NEDD4: variants seen among roughly 807,000 people sequenced by gnomAD.
NEDD4 encodes the protein E3 ubiquitin-protein ligase NEDD4.
In NEDD4, 99 loss-of-function variants were observed where a neutral mutation model predicts 144.9. The observed-to-expected ratio is 0.68, with a 90% CI of 0.58 to 0.81. NEDD4 has a LOEUF of 0.81. NEDD4 is among the 30% of genes least tolerant of loss of function. The probability of loss-of-function intolerance (pLI) is 0.00; values close to 1 mark genes in which losing one functional copy is unlikely to be tolerated. For synonymous variants in NEDD4, 318 were observed against 350.6 expected, an observed-to-expected ratio of 0.91 and a Z score of 1.04; for missense variants, 985 against 1,065.9, an observed-to-expected ratio of 0.92 and a Z score of 1.06.
At chr15:55,896,608 C>T (rs142286786) in intron 5 of NEDD4, among the ~76,000 whole-genome samples, 6 of 152,256 alleles carry the variant, frequency 3.9e-5, no homozygotes, top group East Asian at 1.9e-4. Flanking sequence ...TCCAACCAGA[C>T]GGTAAATTCC....
chr15:55,903,869 C>T (rs1340452743), intron 5 of NEDD4, among the ~76,000 whole-genome samples: 10 of 132,760 alleles, frequency 7.5e-5, no homozygotes, highest in Non-Finnish European at 1.4e-4. Context: ...TATATATATA[C>T]ACACATTGGC....
chr15:55,869,459 T>G, intron 8 of NEDD4, 120 bp downstream of exon 8: 1 of 609,216 alleles, frequency 1.6e-6, no homozygotes. Context: ...GAAATAAACA[T>G]CCAAGTAAAT....
intron 4 of NEDD4, among the ~76,000 whole-genome samples, chr15:55,925,453 C>T (rs2036644403): frequency 6.6e-6 from 1 of 152,150 alleles, no homozygotes; most frequent in African/African-American, 2.4e-5. Context: ...TTACATGTTG[C>T]TTTTACTATA....
chr15:55,898,773 A>G (rs1209783204), intron 5 of NEDD4, among the ~76,000 whole-genome samples: 2 of 151,464 alleles, frequency 1.3e-5, no homozygotes, highest in South Asian at 2.1e-4. Context: ...AGCTGGGACT[A>G]TAGGCAAGCG....
At chr15:55,975,420 CAGT>C (rs567176356) in intron 1 of NEDD4, among the ~76,000 whole-genome samples, 102 of 152,190 alleles carry the variant, frequency 6.7e-4, no homozygotes, top group Non-Finnish European at 1.1e-3. Context: ...CACAAAAAAT[CAGT>C]AGCATTTATT....
chr15:55,880,227 G>A (rs1405722430), intron 5 of NEDD4, among the ~76,000 whole-genome samples: 3 of 152,164 alleles, frequency 2.0e-5, no homozygotes, highest in African/African-American at 7.2e-5. Flanking sequence ...AGGAAGTGGA[G>A]GTTGCAGTGA....
chr15:55,939,490 G>A (rs2036956831), intron 4 of NEDD4, among the ~76,000 whole-genome samples: 2 of 152,068 alleles, frequency 1.3e-5, no homozygotes, highest in South Asian at 4.1e-4. Flanking sequence ...ATCATAGTGT[G>A]AAAACGGACT....
chr15:55,967,845 ACCCCAT>A (rs2037542092), intron 1 of NEDD4, among the ~76,000 whole-genome samples: 1 of 151,908 alleles, frequency 6.6e-6, no homozygotes, highest in South Asian at 2.1e-4. Context: ...ATATAACAAG[ACCCCAT>A]CCCTCCAAAA....
chr15:55,880,154 T>G (rs2035133800), intron 5 of NEDD4, among the ~76,000 whole-genome samples: 1 of 152,102 alleles, frequency 6.6e-6, no homozygotes, highest in African/African-American at 2.4e-5. Flanking sequence ...CAGCAGGGCA[T>G]AGTGGTACAT....
At chr15:55,958,247 AT>A (rs1263478726) in intron 2 of NEDD4, among the ~76,000 whole-genome samples, 9 of 152,210 alleles carry the variant, frequency 5.9e-5, no homozygotes, top group African/African-American at 2.2e-4. Context: ...TGGGTGTTAC[AT>A]TTTGTCAAAG....
intron 4 of NEDD4, among the ~76,000 whole-genome samples, chr15:55,949,049 T>C (rs1299926962): frequency 1.3e-5 from 2 of 152,108 alleles, no homozygotes; most frequent in Non-Finnish European, 2.9e-5. Flanking sequence ...TTTTGCAATC[T>C]ACTCATCTGA....
At chr15:55,963,486 T>C (rs1340283097) in intron 2 of NEDD4, among the ~76,000 whole-genome samples, 8 of 152,202 alleles carry the variant, frequency 5.3e-5, no homozygotes, top group Non-Finnish European at 1.2e-4. Context: ...ATATACATCA[T>C]TAATCTTTTA....
At chr15:55,850,477 A>T in intron 14 of NEDD4, 65 bp downstream of exon 14, 1 of 1,466,740 alleles carries the variant, frequency 6.8e-7, no homozygotes, top group Non-Finnish European at 9.4e-7. Flanking sequence ...TAAAGATTTT[A>T]AGGAACTATA....
At chr15:55,920,188 A>AT (rs2036543521) in intron 5 of NEDD4, among the ~76,000 whole-genome samples, 1 of 150,338 alleles carries the variant, frequency 6.7e-6, no homozygotes, top group Admixed American at 6.7e-5. Context: ...ATTGTGTGGA[A>AT]ATATATATAT....
chr15:55,991,564 C>T (rs1182194995), intron 1 of NEDD4, among the ~76,000 whole-genome samples: 1 of 152,190 alleles, frequency 6.6e-6, no homozygotes, highest in Non-Finnish European at 1.5e-5. Context: ...TCTTCATCAT[C>T]ATGTCTCTTA....
intron 6 of NEDD4, 73 bp from the exon 7 acceptor site, chr15:55,872,549 A>C: frequency 1.8e-6 from 1 of 565,134 alleles, no homozygotes; most frequent in South Asian, 4.2e-5. Flanking sequence ...AATACTCATG[A>C]ACTATCACCT....
intron 1 of NEDD4, among the ~76,000 whole-genome samples, chr15:55,982,886 C>T (rs1371022747): frequency 6.6e-6 from 1 of 152,076 alleles, no homozygotes; most frequent in Non-Finnish European, 1.5e-5. Context: ...CTTTGGGAGG[C>T]CAAGGTAGGT....
At chr15:55,865,090 C>T (rs1016546041) in intron 8 of NEDD4, among the ~76,000 whole-genome samples, 1 of 149,994 alleles carries the variant, frequency 6.7e-6, no homozygotes, top group Non-Finnish European at 1.5e-5. Flanking sequence ...CCCAGCTACT[C>T]GAGAGGCTGG....
rs193167620 is a variant in NEDD4, at chr15:55,845,557, G to A, written c.1608+1412C>T. Among the ~76,000 whole-genome samples the A allele has an allele frequency of 1.6e-3, 248 of 151,954 alleles. 1 individual carries two copies. The highest frequency in any genetic ancestry group is 5.7e-3 in the African/African-American group (236 of 41,444). On this transcript the variant is annotated intron_variant, in intron 18 of 28. Transcript: ENST00000435532. ...TTTTTGTATTTTGAGGCCTGTAATG[G>A]CATTGTCTCCCATCTCCTGCTGCCT...
Sources: gnomAD v4.1 joint callset for allele counts (sites outside exome capture counted in the v4.1 genomes callset) on GRCh38, gnomAD v4.1.1 for gene constraint, MANE v1.5 for transcripts, NCBI Gene and HGNC (gene_info 2026-07-23, HGNC 2026-07-21) for gene names.